Variants in ARHGAP5 observed in about 807,000 individuals in gnomAD.
ARHGAP5 encodes rho GTPase-activating protein 5.
A neutral mutation model predicts 116.6 loss-of-function variants in ARHGAP5; 23 were observed. That is an observed-to-expected ratio of 0.20 (90% CI 0.14 to 0.28). The LOEUF is 0.28. Ranked by LOEUF, ARHGAP5 falls within the 10% of genes least tolerant of loss-of-function variation. The pLI is 1.00. For synonymous variants in ARHGAP5, 574 were observed against 602.0 expected (o/e 0.95, Z 0.68); for missense variants, 1,405 against 1,774.8 (o/e 0.79, Z 3.74).
chr14:32,082,256 A>C (rs2041784655), intron 1 of ARHGAP5, among the ~76,000 whole-genome samples: 1 of 152,150 alleles, frequency 6.6e-6, no homozygotes, highest in African/African-American at 2.4e-5. Context: ...AATTCTTCAT[A>C]TGTTTTCTTT....
At chr14:32,124,130 T>C (rs1339744638) in intron 3 of ARHGAP5, among the ~76,000 whole-genome samples, 1 of 152,176 alleles carries the variant, frequency 6.6e-6, no homozygotes, top group African/African-American at 2.4e-5. Flanking sequence ...ACCATTGTGA[T>C]TCCACCTCCC....
At chr14:32,148,198 CTATCTATCTATCTATG>C (rs1285290705) in intron 4 of ARHGAP5, among the ~76,000 whole-genome samples, 22 of 150,532 alleles carry the variant, frequency 1.5e-4, no homozygotes, top group African/African-American at 5.2e-4. Context: ...ATCTATCTAT[CTATCTATCTATCTATG>C]TATATCTATC....
At chr14:32,082,273 T>C (rs1444549974) in intron 1 of ARHGAP5, among the ~76,000 whole-genome samples, 1 of 152,200 alleles carries the variant, frequency 6.6e-6, no homozygotes, top group African/African-American at 2.4e-5. Flanking sequence ...CTTTAGAAAA[T>C]AAGAGTATTA....
chr14:32,087,350 A>G (rs2041839526), intron 1 of ARHGAP5, among the ~76,000 whole-genome samples: 1 of 152,046 alleles, frequency 6.6e-6, no homozygotes, highest in African/African-American at 2.4e-5. Context: ...AGCCAACTTC[A>G]TGAGATCTTT....
At chr14:32,125,597 A>G (rs1880113035) in intron 3 of ARHGAP5, among the ~76,000 whole-genome samples, 1 of 152,212 alleles carries the variant, frequency 6.6e-6, no homozygotes, top group Non-Finnish European at 1.5e-5. Flanking sequence ...CCCACCAACA[A>G]TGTGTAAGGG....
chr14:32,092,865 A>C lies in ARHGAP5; in HGVS notation c.2196A>C (p.Val732=), dbSNP rs1343058417. ...ANKLQCPFVD[V]PAGTYPRKFN... ...AGTTGCAATGTCCTTTTGTAGATGT[A>C]CCTGCTGGTACATATCCTCGTAAAT... is the stretch of plus-strand genomic sequence containing the variant. The change falls in exon 2 of 7, where the codon GTA becomes GTC. Residue 732 remains valine, a synonymous_variant. Transcript: ENST00000345122. The surrounding 1 kb of genome is among the most constrained non-coding windows in gnomAD (Gnocchi z 4.1). The C allele has an allele frequency of 6.2e-7, 1 of 1,613,924 alleles. No homozygotes were observed. Among genetic ancestry groups the C allele is most frequent in the Non-Finnish European group, 8.5e-7 (1 of 1,179,942 alleles).
intron 6 of ARHGAP5, chr14:32,153,951 G>A (rs1165095018): frequency 1.3e-5 from 2 of 151,890 alleles, no homozygotes; most frequent in African/African-American, 2.4e-5. Flanking sequence ...GAGGAACAGA[G>A]GAAGGAAGGG....
At chr14:32,127,256 A>G (rs1259028075) in intron 3 of ARHGAP5, among the ~76,000 whole-genome samples, 3 of 151,690 alleles carry the variant, frequency 2.0e-5, no homozygotes, top group Non-Finnish European at 4.4e-5. Context: ...ACAACAGTGG[A>G]GAGAAGGTCA....
intron 3 of ARHGAP5, among the ~76,000 whole-genome samples, chr14:32,135,730 A>C (rs923081129): frequency 6.6e-6 from 1 of 152,218 alleles, no homozygotes; most frequent in African/African-American, 2.4e-5. Context: ...GCCGATTTTT[A>C]GGTCTAAGTT....
rs752789750 is a variant in ARHGAP5 at position 32,093,113 on chromosome 14, C to T, written c.2444C>T (p.Ser815Phe). ...CSAAQAGQNNSLMLDKIIGEK... is the reference protein window; with the variant it reads ...CSAAQAGQNNFLMLDKIIGEK... ...GCTGCTCAAGCTGGACAGAATAATT[C>T]CCTAATGCTTGATAAAATCATTGGT... The change falls in exon 2 of 7, where the codon TCC becomes TTC. Residue 815 changes from serine to phenylalanine, a missense_variant. Physicochemically the swap from Ser to Phe is radical, Grantham distance 155. This residue lies in a region of ARHGAP5 where 944 missense variants were observed against 1,095.3 expected (regional missense o/e 0.86). Coordinates refer to ENST00000345122, the MANE Select transcript of ARHGAP5 (RefSeq NM_001030055.2). The T allele has an allele frequency of 6.2e-7, 1 of 1,613,866 alleles. No homozygotes were observed. The highest frequency in any genetic ancestry group is 1.3e-5 in the African/African-American group (1 of 75,028).
chr14:32,093,030 A>C lies in ARHGAP5; in HGVS notation c.2361A>C (p.Gly787=), dbSNP rs1459410818. 1 of 1,614,066 alleles carries C rather than the reference A, an allele frequency of 6.2e-7. No homozygotes were observed. Among genetic ancestry groups the C allele is most frequent in the Admixed American group, 1.7e-5 (1 of 60,004 alleles). Residue 787 remains glycine (G), a synonymous_variant, in exon 2 of 7, where the codon GGA becomes GGC. Coordinates refer to ENST00000345122, the MANE Select transcript of ARHGAP5 (RefSeq NM_001030055.2). The stretch of plus-strand genomic sequence containing the variant: ...GAATTGTCATGTGCGCCATGTGTGG[A>C]GATCCATTTAGTGTGGATCTTATTC... ...DLRIVMCAMC[G]DPFSVDLILS...
intron 6 of ARHGAP5, chr14:32,154,293 G>T: frequency 4.6e-6 from 1 of 217,410 alleles, no homozygotes; most frequent in Non-Finnish European, 9.2e-6. Flanking sequence ...TGGAATTACA[G>T]GCTTTGTCAC....
chr14:32,119,480 T>C (rs538193040), intron 3 of ARHGAP5, among the ~76,000 whole-genome samples: 4 of 152,256 alleles, frequency 2.6e-5, no homozygotes, highest in African/African-American at 9.6e-5. Context: ...TGATGTAATT[T>C]ACATACAATA....
chr14:32,112,631 G>A (rs1484177839), intron 2 of ARHGAP5, among the ~76,000 whole-genome samples: 1 of 152,170 alleles, frequency 6.6e-6, no homozygotes, highest in African/African-American at 2.4e-5. Flanking sequence ...CCAGCACTTT[G>A]GGAGGCCAAG....
intron 2 of ARHGAP5, among the ~76,000 whole-genome samples, chr14:32,101,735 G>GCA (rs1878802519): frequency 6.6e-6 from 1 of 151,988 alleles, no homozygotes; most frequent in Non-Finnish European, 1.5e-5. Flanking sequence ...TGTAATCCCA[G>GCA]CACTTTGGGA....
intron 3 of ARHGAP5, among the ~76,000 whole-genome samples, chr14:32,143,398 A>G (rs1005429607): frequency 2.6e-5 from 4 of 152,050 alleles, no homozygotes. Context: ...GCCCACCACC[A>G]CGCCTGGCTA....
intron 6 of ARHGAP5, among the ~76,000 whole-genome samples, chr14:32,153,380 C>T (rs12885524): frequency 4.2e-5 from 4 of 96,360 alleles, no homozygotes; most frequent in Non-Finnish European, 7.4e-5. Context: ...GCACTTCAGT[C>T]TGGCCAACAG....
Position 32,091,076 on chromosome 14 carries a change from A to G in ARHGAP5, c.407A>G (p.Asp136Gly), listed in dbSNP as rs1878217480. 6.2e-7 allele frequency: 1 copy of G among 1,613,596 alleles called. No individual in the cohort carries two copies. Among genetic ancestry groups the G allele is most frequent in the South Asian group, 1.1e-5 (1 of 91,064 alleles). ...GAAAAACTAATGTACATTTGCACTGATCAGCTAGGCTTAGAACAAGACTTT... is the reference window on the plus strand; with the variant it reads ...GAAAAACTAATGTACATTTGCACTGGTCAGCTAGGCTTAGAACAAGACTTT... ...SAEKLMYICT[D>G]QLGLEQDFEQ... The change falls in exon 2 of 7, where the codon GAT becomes GGT. Residue 136 changes from aspartate (D) to glycine (G), a missense_variant. This residue lies in a region of ARHGAP5 where 190 missense variants were observed against 314.9 expected (regional missense o/e 0.60). Coordinates refer to ENST00000345122, the MANE Select transcript of ARHGAP5 (RefSeq NM_001030055.2).
chr14:32,112,024 G>A (rs1156709090), intron 2 of ARHGAP5, among the ~76,000 whole-genome samples: 1 of 151,726 alleles, frequency 6.6e-6, no homozygotes, highest in Non-Finnish European at 1.5e-5. Flanking sequence ...TCACCATGTT[G>A]GCCAGGATGG....
Sources: allele counts gnomAD v4.1 joint callset (sites outside exome capture counted in the v4.1 genomes callset), GRCh38; gene constraint gnomAD v4.1.1; regional missense constraint gnomAD v4.1.1; non-coding constraint Gnocchi (gnomAD v3.1); transcripts MANE v1.5; gene names NCBI Gene and HGNC (gene_info 2026-07-23, HGNC 2026-07-21).